Variants in GRIK2 observed in about 807,000 individuals in gnomAD.
GRIK2 encodes glutamate ionotropic receptor kainate type subunit 2, also known as glutamate receptor ionotropic, kainate 2.
In GRIK2, 32 loss-of-function variants were observed where a neutral mutation model predicts 100.3. The observed-to-expected ratio is 0.32, with a 90% CI of 0.24 to 0.43. GRIK2 has a LOEUF of 0.43. Among genes scored for constraint, GRIK2 ranks in the 20% least tolerant of loss-of-function variants. The pLI is 1.00. For missense variants in GRIK2, 843 were observed against 1,114.9 expected (o/e 0.76, Z 3.47); for synonymous variants, 417 against 389.4 (o/e 1.07, Z -0.83).
chr6:101,752,219 T>C (rs9377296), intron 7 of GRIK2, among the ~76,000 whole-genome samples: 18,897 of 152,162 alleles, frequency 0.12, 2,424 homozygotes, highest in East Asian at 0.7. Flanking sequence ...TCTTTTTGAG[T>C]TTTAATTATT....
At chr6:102,021,353 C>T (rs1159093120) in intron 14 of GRIK2, among the ~76,000 whole-genome samples, 1 of 151,028 alleles carries the variant, frequency 6.6e-6, no homozygotes, top group Non-Finnish European at 1.5e-5. Flanking sequence ...TAAACTAGTT[C>T]CTTTATTTTT....
intron 2 of GRIK2, among the ~76,000 whole-genome samples, chr6:101,523,831 T>A (rs747109427): frequency 6.6e-6 from 1 of 150,958 alleles, no homozygotes; most frequent in African/African-American, 2.4e-5. Context: ...GCGATTCCAC[T>A]GCCTCAGCCT....
intron 2 of GRIK2, among the ~76,000 whole-genome samples, chr6:101,545,130 TTAATTTTAGATG>T (rs1188123936): frequency 6.6e-6 from 1 of 152,236 alleles, no homozygotes; most frequent in African/African-American, 2.4e-5. Context: ...AAATTGTTTC[TTAATTTTAGATG>T]ATGTTCATAA....
rs774868812 is a variant in GRIK2 at position 101,909,378 on chromosome 6, T to TTTTTTG, written c.1749-15220_1749-15219insTTGTTT. 2.7e-4 allele frequency among the ~76,000 whole-genome samples: 33 copies of TTTTTTG among 120,390 alleles called. 3 individuals are homozygous for TTTTTTG. The highest frequency in any genetic ancestry group is 2.7e-3 in the South Asian group (10 of 3,698). The allele number at this position is 120,390 out of a possible 152,430, so 79.0% of individuals were successfully genotyped here. A position where few individuals can be genotyped will look rare whatever the true frequency, so the allele number is the denominator to read the frequency against. ...ATGCTGAAGGAAGATAGGGTTTTCTTTTTCTTTTTTTTTTTTTTAAAGATC... is the reference window on the plus strand; with the variant it reads ...ATGCTGAAGGAAGATAGGGTTTTCTTTTTTTGTTTCTTTTTTTTTTTTTTAAAGATC... On this transcript the variant is annotated intron_variant, in intron 12 of 16. Coordinates refer to ENST00000369134, the MANE Select transcript of GRIK2 (RefSeq NM_021956.5).
rs149413519 is a variant in GRIK2 at position 101,515,157 on chromosome 6, T to C, written c.116-106792T>C. ...GTGAGAACATACAATGTTTGGTTTT[T>C]CCTTTCCTGACTTACATCACTTAGA... On this transcript the variant is annotated intron_variant, in intron 2 of 16. Transcript: ENST00000369134. Among the ~76,000 whole-genome samples the C allele has an allele frequency of 4.9e-3, 744 of 152,246 alleles. 3 individuals carry two copies. Among genetic ancestry groups the C allele is most frequent in the Non-Finnish European group, 7.5e-3 (513 of 67,998 alleles).
chr6:101,674,933 A>C (rs78453880), intron 4 of GRIK2, among the ~76,000 whole-genome samples: 14,930 of 152,076 alleles, frequency 0.098, 2,386 homozygotes, highest in African/African-American at 0.34. Context: ...TATGGAGTAT[A>C]ATGTAATGTT....
In GRIK2 at chr6:101,753,269, C is replaced by T. The variant is rs190259049; in HGVS notation, c.952-46379C>T. The stretch of plus-strand genomic sequence containing the variant: ...CTGCACTCCAGCCTGGGCGGCAGAG[C>T]GAGACTCCGTCTCAAAAAAAAAAAA... On this transcript the variant is annotated intron_variant, in intron 7 of 16. Transcript: ENST00000369134. Among the ~76,000 whole-genome samples, 55 of 132,760 alleles carry T rather than the reference C, an allele frequency of 4.1e-4. No individual in the cohort carries two copies. The Admixed American group carries it at 4.7e-3, about 11-fold the overall frequency. 87.1% of individuals were successfully genotyped at this position (132,760 alleles called of 152,430 possible).
chr6:101,399,310 A>C lies in GRIK2; in HGVS notation c.33A>C (p.Pro11=). ...TTATTTTCCCGATTCTAAGTAATCCAGTCTTCAGGCGCACCGTTAAACTCC... is the reference window on the plus strand; with the variant it reads ...TTATTTTCCCGATTCTAAGTAATCCCGTCTTCAGGCGCACCGTTAAACTCC... MKIIFPILSN[P]VFRRTVKLLL... The change falls in exon 2 of 17, where the codon CCA becomes CCC. Residue 11 remains proline, a synonymous_variant. Coordinates refer to ENST00000369134, the MANE Select transcript of GRIK2 (RefSeq NM_021956.5). 6.3e-7 allele frequency: 1 copy of C among 1,586,726 alleles called. No homozygotes were observed. The highest frequency in any genetic ancestry group is 8.7e-7 in the Non-Finnish European group (1 of 1,154,954).
At chr6:101,686,547 TC>T (rs1295912490) in intron 7 of GRIK2, among the ~76,000 whole-genome samples, 194 bp downstream of exon 7, 2 of 152,122 alleles carry the variant, frequency 1.3e-5, no homozygotes, top group South Asian at 4.1e-4. Context: ...AGCTTATGCT[TC>T]CATCCAAGTA....
At chr6:101,896,026 A>T (rs1436871598) in intron 12 of GRIK2, among the ~76,000 whole-genome samples, 1 of 151,792 alleles carries the variant, frequency 6.6e-6, no homozygotes, top group East Asian at 1.9e-4. Flanking sequence ...ATATTTCCAT[A>T]GTAGATGAGG....
At chr6:101,904,393 A>T (rs1458687719) in intron 12 of GRIK2, among the ~76,000 whole-genome samples, 1 of 151,458 alleles carries the variant, frequency 6.6e-6, no homozygotes, top group Non-Finnish European at 1.5e-5. Context: ...CTGAAACAAC[A>T]TCATTGCTTC....
At chr6:101,446,182 G>C (rs1363615912) in intron 2 of GRIK2, among the ~76,000 whole-genome samples, 6 of 151,772 alleles carry the variant, frequency 4.0e-5, no homozygotes, top group Non-Finnish European at 8.8e-5. Flanking sequence ...TGGTATCCCA[G>C]GTAGTACTTA....
chr6:102,034,542 A>C (rs571312502), intron 14 of GRIK2, among the ~76,000 whole-genome samples: 1 of 151,494 alleles, frequency 6.6e-6, no homozygotes, highest in East Asian at 2.0e-4. Context: ...GCAGATGCTA[A>C]CGTTTTTCCT....
intron 9 of GRIK2, among the ~76,000 whole-genome samples, chr6:101,807,644 A>G (rs1179084233): frequency 6.6e-6 from 1 of 151,830 alleles, no homozygotes; most frequent in African/African-American, 2.4e-5. Context: ...TGGTCTAACA[A>G]AGCAGGGCAC....
intron 2 of GRIK2, among the ~76,000 whole-genome samples, chr6:101,592,625 T>TATATATATATATATATATATA (rs1778724775): frequency 2.4e-5 from 2 of 84,456 alleles, no homozygotes; most frequent in African/African-American, 1.0e-4. Flanking sequence ...ATATATATAT[T>TATATATATATATATATATATA]GCTTTTTCAC....
intron 4 of GRIK2, among the ~76,000 whole-genome samples, chr6:101,630,806 A>G (rs1025150419): frequency 7.2e-5 from 11 of 152,130 alleles, no homozygotes; most frequent in African/African-American, 2.4e-4. Flanking sequence ...TGTCTTTATG[A>G]TGGACTTATG....
chr6:101,572,933 C>G (rs1236980690), intron 2 of GRIK2, among the ~76,000 whole-genome samples: 2 of 151,826 alleles, frequency 1.3e-5, no homozygotes, highest in Non-Finnish European at 2.9e-5. Flanking sequence ...CCTGCAACCT[C>G]TGCCTCCCAG....
At chr6:101,598,902 C>T (rs1779059436) in intron 2 of GRIK2, among the ~76,000 whole-genome samples, 1 of 151,328 alleles carries the variant, frequency 6.6e-6, no homozygotes, top group Non-Finnish European at 1.5e-5. Context: ...TTAAATTGTA[C>T]AATTTAAAAA....
chr6:101,885,039 A>G (rs1786517275), intron 11 of GRIK2, among the ~76,000 whole-genome samples: 1 of 152,114 alleles, frequency 6.6e-6, no homozygotes, highest in Non-Finnish European at 1.5e-5. Context: ...CTTTGATCGA[A>G]GGGTATGCCT....
Sources: allele counts gnomAD v4.1 joint callset (sites outside exome capture counted in the v4.1 genomes callset), GRCh38; gene constraint gnomAD v4.1.1; transcripts MANE v1.5; gene names NCBI Gene and HGNC (gene_info 2026-07-23, HGNC 2026-07-21).